The following DOCK2 variants were observed in gnomAD, a reference collection of about 807,000 sequenced individuals.
DOCK2 encodes dedicator of cytokinesis 2.
DOCK2 carries 87 observed loss-of-function variants against 248.9 expected under a neutral mutation model. The ratio of observed to expected loss-of-function variants is 0.35; its 90% confidence interval spans 0.29 to 0.42. The LOEUF (loss-of-function observed/expected upper bound fraction) is 0.42. Among genes scored for constraint, DOCK2 ranks in the 10% least tolerant of loss-of-function variants. The pLI is 1.00. For synonymous variants in DOCK2, 805 were observed against 821.6 expected (o/e 0.98, Z 0.35); for missense variants, 1,747 against 2,300.2 (o/e 0.76, Z 4.92).
intron 1 of DOCK2, among the ~76,000 whole-genome samples, chr5:169,639,247 A>G (rs1375264485): frequency 6.6e-6 from 1 of 152,226 alleles, no homozygotes; most frequent in African/African-American, 2.4e-5. Context: ...GAGGTCACTT[A>G]TAATCAACAT....
chr5:169,916,391 C>A (rs920587035), intron 27 of DOCK2, among the ~76,000 whole-genome samples: 1 of 152,182 alleles, frequency 6.6e-6, no homozygotes, highest in Non-Finnish European at 1.5e-5. Flanking sequence ...ATTTCTGGCC[C>A]TCCTATCACC....
At chr5:170,056,410 T>A (rs563179871) in intron 42 of DOCK2, 1 of 318,426 alleles carries the variant, frequency 3.1e-6, no homozygotes, top group East Asian at 5.5e-5. Flanking sequence ...AGGCCATCAA[T>A]GTTAGAATTC....
At chr5:169,913,358 T>C (rs924168134) in intron 27 of DOCK2, among the ~76,000 whole-genome samples, 8 of 152,186 alleles carry the variant, frequency 5.3e-5, no homozygotes. Flanking sequence ...GCTAGAACTA[T>C]ATAGAAGCTC....
At chr5:169,707,835 A>G (rs934664314) in intron 14 of DOCK2, among the ~76,000 whole-genome samples, 1 of 152,234 alleles carries the variant, frequency 6.6e-6, no homozygotes, top group Non-Finnish European at 1.5e-5. Context: ...TAGGAAACAA[A>G]TAGGATTAAT....
rs146315794 is a variant in DOCK2, at chr5:170,044,769, C to T, written c.3877-1047C>T. On this transcript the variant is annotated intron_variant, in intron 38 of 51. Transcript: ENST00000520908. ...TTTATGCTTGGATGCAGAGAGAGCACTTTTGCTACACAGCTCACACTGCAT... is the reference window on the plus strand; with the variant it reads ...TTTATGCTTGGATGCAGAGAGAGCATTTTTGCTACACAGCTCACACTGCAT... Among the ~76,000 whole-genome samples, 863 of 152,296 alleles carry T rather than the reference C, an allele frequency of 5.7e-3. 41 individuals are homozygous for T. Among genetic ancestry groups the T allele is most frequent in the Admixed American group, 0.052 (789 of 15,286 alleles).
At chr5:169,820,716 TCTC>T (rs1428015649) in intron 26 of DOCK2, among the ~76,000 whole-genome samples, 2 of 152,100 alleles carry the variant, frequency 1.3e-5, no homozygotes, top group Admixed American at 6.5e-5. Flanking sequence ...GAGCACCTCT[TCTC>T]CTCCAAAGGA....
intron 27 of DOCK2, among the ~76,000 whole-genome samples, chr5:169,941,088 C>T (rs577237605): frequency 1.3e-5 from 2 of 152,304 alleles, no homozygotes; most frequent in East Asian, 3.9e-4. Context: ...CACGCTGAGT[C>T]TTTAATCTCA....
intron 25 of DOCK2, among the ~76,000 whole-genome samples, chr5:169,779,836 A>G (rs1765595860): frequency 6.6e-6 from 1 of 152,080 alleles, no homozygotes; most frequent in Non-Finnish European, 1.5e-5. Flanking sequence ...GCCAGTTCCT[A>G]GGGAGGCAGT....
intron 23 of DOCK2, among the ~76,000 whole-genome samples, chr5:169,751,590 G>C (rs1561662441): frequency 2.0e-5 from 3 of 152,172 alleles, no homozygotes; most frequent in South Asian, 4.2e-4. Context: ...AGCAGATCTG[G>C]TTCAAATCTC....
intron 27 of DOCK2, among the ~76,000 whole-genome samples, chr5:169,966,546 T>C (rs1482436169): frequency 2.0e-5 from 3 of 152,172 alleles, no homozygotes; most frequent in Admixed American, 6.5e-5. Context: ...ACAGCAATAA[T>C]TGGAGGAGCT....
intron 27 of DOCK2, chr5:169,884,956 T>C (rs1772881487): frequency 6.6e-6 from 1 of 152,124 alleles, no homozygotes; most frequent in South Asian, 2.1e-4. Flanking sequence ...TTCTCTCGGT[T>C]CTCTTTGTGA....
In DOCK2 at chr5:169,708,383, G is replaced by T. The variant is rs1425654434; in HGVS notation, c.1482+116G>T. 4.8e-6 allele frequency: 5 copies of T among 1,040,934 alleles called. No individual in the cohort carries two copies. The Admixed American group carries it at 1.1e-4, about 23-fold the overall frequency. The allele number at this position is 1,040,934 out of a possible 1,614,324, so 64.5% of individuals were successfully genotyped here. On this transcript the variant is annotated intron_variant, in intron 15 of 51. Transcript: ENST00000520908. ...TGCTTACAACAGCCGTGTGAGGTTT[G>T]TACTAATATTTCCTTCATTTTATAG...
chr5:169,681,781 G>A lies in DOCK2; in HGVS notation c.508G>A (p.Gly170Arg). 2.5e-6 allele frequency: 4 copies of A among 1,613,476 alleles called. No homozygotes were observed. The highest frequency in any genetic ancestry group is 2.5e-6 in the Non-Finnish European group (3 of 1,179,698). ...TGATTTGATTGTCAGAGATGAAGAC[G>A]GAAATATCTTGGACCCTGATAATAC... ...ELDLIVRDED[G>R]NILDPDNTSV... The change falls in exon 7 of 52, where the codon GGA becomes AGA. Residue 170 changes from glycine (G) to arginine (R), a missense_variant. Transcript: ENST00000520908.
chr5:169,976,903 A>G (rs1777736342), intron 27 of DOCK2, among the ~76,000 whole-genome samples: 1 of 152,210 alleles, frequency 6.6e-6, no homozygotes, highest in African/African-American at 2.4e-5. Context: ...TTTTCCTGTG[A>G]TGCTATGCCT....
intron 39 of DOCK2, among the ~76,000 whole-genome samples, chr5:170,046,728 C>A (rs1756726281): frequency 6.6e-6 from 1 of 152,096 alleles, no homozygotes; most frequent in Non-Finnish European, 1.5e-5. Flanking sequence ...TGTACCTCCA[C>A]ATAGATGTTT....
At chr5:169,783,776 G>C (rs149661331) in intron 25 of DOCK2, among the ~76,000 whole-genome samples, 1 of 152,150 alleles carries the variant, frequency 6.6e-6, no homozygotes, top group African/African-American at 2.4e-5. Flanking sequence ...TACAAAGTAG[G>C]TTGTTATCAC....
chr5:169,736,034 T>G (rs151123463), intron 22 of DOCK2, among the ~76,000 whole-genome samples: 1 of 152,054 alleles, frequency 6.6e-6, no homozygotes, highest in Non-Finnish European at 1.5e-5. Context: ...CAACCAGATC[T>G]TATGAGAACT....
intron 27 of DOCK2, among the ~76,000 whole-genome samples, chr5:169,887,126 C>T (rs6893156): frequency 0.02 from 2,989 of 152,254 alleles, 99 homozygotes; most frequent in African/African-American, 0.069. Flanking sequence ...GGCCTTCCTG[C>T]CTTCTTCAGG....
rs1300595327 is a variant in DOCK2 at position 169,712,012 on chromosome 5, G to A, written c.1555+5G>A. On this transcript the variant is annotated splice_donor_5th_base_variant and intron_variant, in intron 16 of 51. Coordinates refer to ENST00000520908, the MANE Select transcript of DOCK2 (RefSeq NM_004946.3). ...GACATCGGTCATCTCTGGAATGTGAGTACCATACTGAATGGCATCTCTGCA... is the reference window on the plus strand; with the variant it reads ...GACATCGGTCATCTCTGGAATGTGAATACCATACTGAATGGCATCTCTGCA... 6.2e-7 allele frequency: 1 copy of A among 1,614,116 alleles called. No individual in the cohort carries two copies. The highest frequency in any genetic ancestry group is 8.5e-7 in the Non-Finnish European group (1 of 1,179,962).
Sources: gnomAD v4.1 joint callset for allele counts (sites outside exome capture counted in the v4.1 genomes callset) on GRCh38, gnomAD v4.1.1 for gene constraint, MANE v1.5 for transcripts, NCBI Gene and HGNC (gene_info 2026-07-23, HGNC 2026-07-21) for gene names.